The following TACC2 variants were observed in gnomAD, a reference collection of about 807,000 sequenced individuals.
TACC2 encodes transforming acidic coiled-coil containing protein 2.
A neutral mutation model predicts 227.3 loss-of-function variants in TACC2; 137 were observed. That is an observed-to-expected ratio of 0.60 (90% CI 0.52 to 0.69). TACC2 has a LOEUF of 0.69. TACC2 is among the 30% of genes least tolerant of loss of function. TACC2 has a pLI of 0.00. For missense variants in TACC2, 3,470 were observed against 3,694.4 expected, an observed-to-expected ratio of 0.94 and a Z score of 1.57; for synonymous variants, 1,523 against 1,487.5, an observed-to-expected ratio of 1.02 and a Z score of -0.55.
In TACC2 at chr10:122,084,778, G is replaced by T. The variant is rs368073870; in HGVS notation, c.2278G>T (p.Asp760Tyr). The change falls in exon 4 of 23, where the codon GAT becomes TAT. Residue 760 changes from aspartate to tyrosine, a missense_variant. Asp to Tyr is a radical substitution (Grantham distance 160). Around this residue, in one of 10 missense-constraint regions of TACC2, gnomAD observed 1,924 missense variants for 1,978.3 expected, o/e 0.97. Coordinates refer to ENST00000369005, the MANE Select transcript of TACC2 (RefSeq NM_206862.4). Reference protein sequence around the residue: ...CDGEGLLTSPDQPRGPACDAS... With the variant: ...CDGEGLLTSPYQPRGPACDAS... The stretch of plus-strand genomic sequence containing the variant: ...TGGGGAGGGCTTGCTGACGTCCCCA[G>T]ATCAACCCCGCGGGCCGGCGTGTGA... 1.1e-5 allele frequency: 18 copies of T among 1,613,514 alleles called. No homozygotes were observed. The highest frequency in any genetic ancestry group is 1.4e-5 in the Non-Finnish European group (17 of 1,180,048).
rs891551099 is a variant in TACC2, at chr10:122,094,901, C to T, written c.5573+6310C>T. 2.6e-5 allele frequency among the ~76,000 whole-genome samples: 4 copies of T among 152,276 alleles called. No individual in the cohort carries two copies. In the East Asian group the frequency reaches 5.8e-4, roughly 22 times the overall value. The stretch of plus-strand genomic sequence containing the variant: ...TCTGAGAACTTCTCATTATGGCCAC[C>T]GGTAGAAGCCACTGTGTTTGACCTG... On this transcript the variant is annotated intron_variant, in intron 5 of 22. Coordinates refer to ENST00000369005, the MANE Select transcript of TACC2 (RefSeq NM_206862.4).
At chr10:122,134,730 G>A (rs1299140466) in intron 6 of TACC2, among the ~76,000 whole-genome samples, 3 of 152,214 alleles carry the variant, frequency 2.0e-5, no homozygotes, top group Admixed American at 1.3e-4. Flanking sequence ...AAGCCTGGAA[G>A]GGAGCCGAGA....
intron 7 of TACC2, among the ~76,000 whole-genome samples, chr10:122,152,941 A>T (rs962254486): frequency 2.6e-5 from 4 of 151,560 alleles, no homozygotes; most frequent in Non-Finnish European, 4.4e-5. Context: ...GCCTTTACTG[A>T]GTACTTTCTA....
chr10:122,052,902 T>C (rs1332202042), intron 3 of TACC2, among the ~76,000 whole-genome samples: 1 of 152,202 alleles, frequency 6.6e-6, no homozygotes, highest in Admixed American at 6.5e-5. Context: ...AGGGCTCCTG[T>C]GTGCGGTTTC....
At position 122,083,614 on chromosome 10, in the gene TACC2, G is replaced by A. The variant is rs762479718; in HGVS notation, c.1114G>A (p.Val372Ile). ...GAAGGAGGCTCTGGACACCATTGAT[G>A]TTCAGGGTCACCCACAGACAGGGAT... ...SGKEALDTID[V>I]QGHPQTGMRG... is the part of the protein sequence containing the mutation. Residue 372 changes from valine to isoleucine, a missense_variant, in exon 4 of 23, where the codon GTT (valine) becomes ATT (isoleucine). By Grantham distance (29) the Val-to-Ile change is conservative. This residue lies in a region of TACC2 where 1,924 missense variants were observed against 1,978.3 expected (regional missense o/e 0.97). Coordinates refer to ENST00000369005, the MANE Select transcript of TACC2 (RefSeq NM_206862.4). 9.9e-6 allele frequency: 16 copies of A among 1,611,904 alleles called. No individual in the cohort carries two copies. The African/African-American group carries it at 1.3e-4, about 13-fold the overall frequency.
chr10:122,005,415 C>CCT (rs1954960318), intron 1 of TACC2, among the ~76,000 whole-genome samples: 1 of 134,318 alleles, frequency 7.4e-6, no homozygotes, highest in Admixed American at 8.0e-5. Flanking sequence ...GAGTCTTGCT[C>CCT]TGTCGCCCAG....
chr10:122,189,069 T>C (rs1165380134), intron 7 of TACC2, among the ~76,000 whole-genome samples: 1 of 152,096 alleles, frequency 6.6e-6, no homozygotes, highest in Non-Finnish European at 1.5e-5. Context: ...ATTCCTTTTG[T>C]ATATGCAGGA....
At chr10:121,999,018 T>C (rs188602862) in intron 1 of TACC2, among the ~76,000 whole-genome samples, 1 of 151,706 alleles carries the variant, frequency 6.6e-6, no homozygotes, top group Admixed American at 6.6e-5. Flanking sequence ...CTTTCTTTTT[T>C]TTTTTTTTTG....
chr10:122,219,577 C>T (rs920940919), intron 11 of TACC2, among the ~76,000 whole-genome samples: 24 of 152,134 alleles, frequency 1.6e-4, no homozygotes, highest in African/African-American at 5.3e-4. Flanking sequence ...GCATCACCTG[C>T]GTCAGATGTG....
chr10:122,186,886 G>C (rs2094214415), intron 7 of TACC2, among the ~76,000 whole-genome samples: 1 of 152,186 alleles, frequency 6.6e-6, no homozygotes, highest in Non-Finnish European at 1.5e-5. Flanking sequence ...GGAGATCTGT[G>C]TGCGAAGGCA....
chr10:122,201,229 G>T (rs2094829340), intron 8 of TACC2, among the ~76,000 whole-genome samples: 1 of 148,268 alleles, frequency 6.7e-6, no homozygotes, highest in Non-Finnish European at 1.5e-5. Flanking sequence ...CCCGCCCACA[G>T]TGGCCACATC....
chr10:122,210,568 C>G lies in TACC2; in HGVS notation c.6143C>G (p.Thr2048Ser), dbSNP rs1241309431. Residue 2048 changes from threonine (T) to serine (S), a missense_variant, in exon 9 of 23, where the codon ACC (threonine) becomes AGC (serine). Thr to Ser is a moderately conservative substitution (Grantham distance 58, BLOSUM62 1). This residue lies in a region of TACC2 where 593 missense variants were observed against 636.6 expected (regional missense o/e 0.93). Transcript: ENST00000369005. The surrounding 1 kb of genome is among the most constrained non-coding windows in gnomAD (Gnocchi z 4.6). ...LDFDNIELVD[T>S]FQTLEPRASD... ...TTTGACAACATTGAGCTTGTGGATA[C>G]CTTTCAGACCTTGGAGCCTCGTGCC... 3.7e-6 allele frequency: 6 copies of G among 1,614,084 alleles called. No homozygotes were observed. Among genetic ancestry groups the G allele is most frequent in the Non-Finnish European group, 5.1e-6 (6 of 1,180,014 alleles).
Position 122,143,630 on chromosome 10 carries a change from T to A in TACC2, c.5758T>A (p.Ser1920Thr). The change falls in exon 7 of 23, where the codon TCG becomes ACG. Residue 1920 changes from serine to threonine, a missense_variant. Transcript: ENST00000369005. The part of the protein sequence containing the change: ...LPPSAAEHIV[S>T]PSAPAGDRVE... The stretch of plus-strand genomic sequence containing the variant: ...TCCCTCGGCTGCAGAACACATAGTT[T>A]CGCCATCTGCCCCAGCTGGTGACAG... 1 of 1,614,092 alleles carries A rather than the reference T, an allele frequency of 6.2e-7. No individual in the cohort carries two copies. Among genetic ancestry groups the A allele is most frequent in the Non-Finnish European group, 8.5e-7 (1 of 1,179,940 alleles).
chr10:122,201,507 G>A (rs1240629667), intron 8 of TACC2, among the ~76,000 whole-genome samples: 3 of 152,186 alleles, frequency 2.0e-5, no homozygotes, highest in African/African-American at 7.2e-5. Flanking sequence ...CAGTGGCTGT[G>A]TTCATATGGG....
rs771462938 is a variant in TACC2 at position 122,254,142 on chromosome 10, C to T, written c.*86C>T. The T allele has an allele frequency of 4.3e-6, 5 of 1,150,200 alleles. No individual in the cohort carries two copies. The highest frequency in any genetic ancestry group is 1.5e-5 in the African/African-American group (1 of 65,932). The allele number at this position is 1,150,200 out of a possible 1,614,324, so 71.2% of individuals were successfully genotyped here. ...GTTCCTCCAGTTCCATGGACAGGTT[C>T]TGTTTTCACTTTTTCGTATGCACTA... On this transcript the variant is annotated 3_prime_UTR_variant, in exon 23 of 23. Transcript: ENST00000369005.
At chr10:122,153,857 A>G (rs2092284574) in intron 7 of TACC2, among the ~76,000 whole-genome samples, 2 of 152,334 alleles carry the variant, frequency 1.3e-5, no homozygotes, top group South Asian at 4.1e-4. Flanking sequence ...CTTTCTATTC[A>G]TCTTTTTGAC....
intron 13 of TACC2, 147 bp from the exon 14 acceptor site, chr10:122,227,689 AG>A (rs2095655832): frequency 2.4e-6 from 2 of 829,468 alleles, no homozygotes; most frequent in African/African-American, 3.4e-5. Context: ...TGCCCAGCCT[AG>A]AGGCTGCATG....
rs141137444 is a variant in TACC2 at position 122,086,545 on chromosome 10, A to G, written c.4045A>G (p.Thr1349Ala). The change falls in exon 4 of 23, where the codon ACA (threonine) becomes GCA (alanine). Residue 1349 changes from threonine to alanine, a missense_variant. Thr to Ala is a moderately conservative substitution (Grantham distance 58). This residue lies in a region of TACC2 where 1,924 missense variants were observed against 1,978.3 expected (regional missense o/e 0.97). Transcript: ENST00000369005. ...KQATGEEKAA[T>A]APGAGAKASG... ...GGCAACAGGGGAAGAGAAAGCAGCAACAGCTCCAGGTGCAGGTGCCAAGGC... is the reference window on the plus strand; with the variant it reads ...GGCAACAGGGGAAGAGAAAGCAGCAGCAGCTCCAGGTGCAGGTGCCAAGGC... 29 of 1,608,216 alleles carry G rather than the reference A, an allele frequency of 1.8e-5. No homozygotes were observed. The African/African-American group carries it at 3.7e-4, about 21-fold the overall frequency.
chr10:122,116,833 G>A (rs765567560), intron 5 of TACC2, among the ~76,000 whole-genome samples: 5 of 151,838 alleles, frequency 3.3e-5, no homozygotes, highest in South Asian at 2.1e-4. Flanking sequence ...TGACTCTGCC[G>A]TCCATGAGCT....
Sources: gnomAD v4.1 joint callset for allele counts (sites outside exome capture counted in the v4.1 genomes callset) on GRCh38, gnomAD v4.1.1 for gene constraint, gnomAD v4.1.1 regional missense constraint, Gnocchi (gnomAD v3.1) non-coding constraint, MANE v1.5 for transcripts, NCBI Gene and HGNC (gene_info 2026-07-23, HGNC 2026-07-21) for gene names.